BRIP1: variants seen among roughly 807,000 people sequenced by gnomAD.
BRIP1 encodes the protein BRCA1 interacting DNA helicase 1, also known as Fanconi anemia group J protein.
Under a neutral mutation model 119.7 loss-of-function variants are expected in BRIP1, and 88 were observed. The ratio of observed to expected loss-of-function variants is 0.74; its 90% CI spans 0.62 to 0.88. BRIP1 has a LOEUF of 0.88. Ranked by LOEUF, BRIP1 falls within the 40% of genes least tolerant of loss-of-function variation. The probability of loss-of-function intolerance (pLI) is 0.00; values close to 1 mark genes in which losing one functional copy is unlikely to be tolerated. For synonymous variants in BRIP1, 443 were observed against 496.5 expected (o/e 0.89, Z 1.43); for missense variants, 1,259 against 1,455.4 (o/e 0.87, Z 2.20).
rs568286424 is a variant in BRIP1, at chr17:61,679,360, A to C, written c.*3936T>G. Among the ~76,000 whole-genome samples the C allele has an allele frequency of 6.6e-6, 1 of 152,236 alleles. No individual in the cohort carries two copies. The highest frequency in any genetic ancestry group is 1.5e-5 in the Non-Finnish European group (1 of 68,012). On this transcript the variant is annotated 3_prime_UTR_variant, in exon 20 of 20. Coordinates refer to ENST00000259008, the MANE Select transcript of BRIP1 (RefSeq NM_032043.3). This position sits in a 1 kb window ranked among gnomAD's most constrained non-coding sequence, Gnocchi z 4.4. ...ATAACACAATTCTAGACAGTTTTAA[A>C]TAATTTAATCAAGTCATGAAACATC...
At position 61,846,884 on chromosome 17, in the gene BRIP1, G is replaced by A. The variant is rs1052048854; in HGVS notation, c.627+217C>T. Among the ~76,000 whole-genome samples, 4 of 152,116 alleles carry A rather than the reference G, an allele frequency of 2.6e-5. No homozygotes were observed. Among genetic ancestry groups the A allele is most frequent in the African/African-American group, 9.7e-5 (4 of 41,408 alleles). ...AAAATGACTTTCAGATCTCTCTCTA[G>A]TCCAATTCTCTTATTTTATAAATAA... On this transcript the variant is annotated intron_variant, in intron 6 of 19. Transcript: ENST00000259008. The surrounding 1 kb of genome is among the most constrained non-coding windows in gnomAD (Gnocchi z 4.3).
chr17:61,763,060 G>A (rs1029706139), intron 14 of BRIP1, among the ~76,000 whole-genome samples: 1 of 152,102 alleles, frequency 6.6e-6, no homozygotes, highest in East Asian at 1.9e-4. Context: ...TCAAAGAAGT[G>A]ACAGTAAAAT....
rs1273012448 is a variant in BRIP1 at position 61,809,820 on chromosome 17, T to G, written c.628-1063A>C. Among the ~76,000 whole-genome samples the G allele has an allele frequency of 6.6e-6, 1 of 151,382 alleles. No individual in the cohort carries two copies. The highest frequency in any genetic ancestry group is 1.5e-5 in the Non-Finnish European group (1 of 67,788). ...GTAGAACAAACACTCTACTTGACTG[T>G]TTTTTTTTATTATTGTAATCAGTAA... is the stretch of plus-strand genomic sequence containing the variant. On this transcript the variant is annotated intron_variant, in intron 6 of 19. Coordinates refer to ENST00000259008, the MANE Select transcript of BRIP1 (RefSeq NM_032043.3). This position sits in a 1 kb window ranked among gnomAD's most constrained non-coding sequence, Gnocchi z 5.2.
Position 61,720,207 on chromosome 17 carries a change from G to A in BRIP1, c.2380-4144C>T, listed in dbSNP as rs1345872434. ...GTTCTAATCTTTTATACCACAGTAGGATGACTATAGTTAACAATATTACAT... is the reference window on the plus strand; with the variant it reads ...GTTCTAATCTTTTATACCACAGTAGAATGACTATAGTTAACAATATTACAT... On this transcript the variant is annotated intron_variant, in intron 16 of 19. Transcript: ENST00000259008. The surrounding 1 kb of genome is among the most constrained non-coding windows in gnomAD (Gnocchi z 4.3). 6.6e-6 allele frequency among the ~76,000 whole-genome samples: 1 copy of A among 152,122 alleles called. No individual in the cohort carries two copies. Among genetic ancestry groups the A allele is most frequent in the East Asian group, 1.9e-4 (1 of 5,190 alleles).
At chr17:61,782,255 G>A (rs1466381954) in intron 11 of BRIP1, among the ~76,000 whole-genome samples, 1 of 150,662 alleles carries the variant, frequency 6.6e-6, no homozygotes. Flanking sequence ...GCTTAGTGGC[G>A]GGCGCCTGTA....
At chr17:61,785,955 A>C in intron 10 of BRIP1, among the ~76,000 whole-genome samples, 1 of 152,122 alleles carries the variant, frequency 6.6e-6, no homozygotes, top group East Asian at 1.9e-4. Flanking sequence ...TAGAAAACTA[A>C]GCAATGGAAA....
At chr17:61,765,253 T>A (rs563985253) in intron 14 of BRIP1, among the ~76,000 whole-genome samples, 1 of 150,018 alleles carries the variant, frequency 6.7e-6, no homozygotes, top group African/African-American at 2.4e-5. Context: ...TCTAGTTTAA[T>A]CTTAACTTCT....
At position 61,845,958 on chromosome 17, in the gene BRIP1, G is replaced by A. The variant is rs182916536; in HGVS notation, c.627+1143C>T. Reference sequence around the variant, plus strand: ...AGGTTGGGTTGAGGCCAAGGTGGGCGGATCACGAGGTCAGAAGATCGAGAC... The same window carrying A: ...AGGTTGGGTTGAGGCCAAGGTGGGCAGATCACGAGGTCAGAAGATCGAGAC... On this transcript the variant is annotated intron_variant, in intron 6 of 19. Transcript: ENST00000259008. This position sits in a 1 kb window ranked among gnomAD's most constrained non-coding sequence, Gnocchi z 4.2. Among the ~76,000 whole-genome samples, 229 of 152,074 alleles carry A rather than the reference G, an allele frequency of 1.5e-3. No homozygotes were observed. Among genetic ancestry groups the A allele is most frequent in the African/African-American group, 2.9e-3 (121 of 41,462 alleles).
In BRIP1 at chr17:61,793,769, C is replaced by T. The variant is rs1230306989; in HGVS notation, c.1341-40G>A. Reference sequence around the variant, plus strand: ...AACAATTGTGTCAACCAGTATCATCCTTACACACACTATTTCAGCAGAACA... The same window carrying T: ...AACAATTGTGTCAACCAGTATCATCTTTACACACACTATTTCAGCAGAACA... On this transcript the variant is annotated intron_variant, in intron 9 of 19. Transcript: ENST00000259008. This position sits in a 1 kb window ranked among gnomAD's most constrained non-coding sequence, Gnocchi z 5.2. 3.2e-6 allele frequency: 5 copies of T among 1,586,924 alleles called. No individual in the cohort carries two copies. The highest frequency in any genetic ancestry group is 3.4e-6 in the Non-Finnish European group (4 of 1,166,822).
rs1416354611 is a variant in BRIP1, at chr17:61,851,279, A to T, written c.380-2023T>A. 6.6e-6 allele frequency among the ~76,000 whole-genome samples: 1 copy of T among 152,134 alleles called. No homozygotes were observed. The highest frequency in any genetic ancestry group is 1.9e-4 in the East Asian group (1 of 5,196). ...CTTAAAATTTCCAAAATAGGGATGA[A>T]AGACCCAGAACTTCCCTGATCCACT... On this transcript the variant is annotated intron_variant, in intron 4 of 19. Transcript: ENST00000259008. This position sits in a 1 kb window ranked among gnomAD's most constrained non-coding sequence, Gnocchi z 4.6.
chr17:61,714,964 C>G (rs886333146), intron 17 of BRIP1, among the ~76,000 whole-genome samples: 18 of 151,864 alleles, frequency 1.2e-4, no homozygotes, highest in Non-Finnish European at 1.5e-4. Context: ...CTTTGGGAAG[C>G]TGACGTGAGT....
chr17:61,716,871 G>A (rs1275538603), intron 16 of BRIP1, among the ~76,000 whole-genome samples: 4 of 23,206 alleles, frequency 1.7e-4, no homozygotes, highest in Admixed American at 8.8e-4. Flanking sequence ...ACTCCTCTAG[G>A]GTTTATGATA....
intron 6 of BRIP1, among the ~76,000 whole-genome samples, chr17:61,826,519 G>A (rs2078409524): frequency 6.6e-6 from 1 of 151,976 alleles, no homozygotes; most frequent in Admixed American, 6.6e-5. Flanking sequence ...CTAATATCCA[G>A]CTTCCATAAG....
intron 14 of BRIP1, among the ~76,000 whole-genome samples, chr17:61,765,299 T>C (rs970650246): frequency 1.1e-4 from 16 of 139,412 alleles, no homozygotes; most frequent in Non-Finnish European, 1.7e-4. Flanking sequence ...CACTTAAAAA[T>C]TATAATACAT....
At position 61,857,703 on chromosome 17, in the gene BRIP1, G is replaced by A. The variant is rs1204260700; in HGVS notation, c.206-472C>T. Among the ~76,000 whole-genome samples the A allele has an allele frequency of 6.6e-6, 1 of 152,248 alleles. No homozygotes were observed. The highest frequency in any genetic ancestry group is 2.1e-4 in the South Asian group (1 of 4,824). On this transcript the variant is annotated intron_variant, in intron 3 of 19. Coordinates refer to ENST00000259008, the MANE Select transcript of BRIP1 (RefSeq NM_032043.3). The surrounding 1 kb of genome is among the most constrained non-coding windows in gnomAD (Gnocchi z 5.1). ...CATGCCACTGCACTCCAGCCTAGGC[G>A]ACAGAGCAAGACTCTGTTTCAAAAA...
intron 14 of BRIP1, among the ~76,000 whole-genome samples, chr17:61,764,663 C>A (rs2077325156): frequency 6.6e-6 from 1 of 152,116 alleles, no homozygotes; most frequent in African/African-American, 2.4e-5. Context: ...TTTTTCTAGT[C>A]CATATCAAGC....
At position 61,842,956 on chromosome 17, in the gene BRIP1, T is replaced by C. The variant is rs148690995; in HGVS notation, c.627+4145A>G. Among the ~76,000 whole-genome samples the C allele has an allele frequency of 3.6e-4, 55 of 152,240 alleles. No homozygotes were observed. Among genetic ancestry groups the C allele is most frequent in the African/African-American group, 1.3e-3 (53 of 41,540 alleles). On this transcript the variant is annotated intron_variant, in intron 6 of 19. Transcript: ENST00000259008. This position sits in a 1 kb window ranked among gnomAD's most constrained non-coding sequence, Gnocchi z 5.1. ...TTAAAATCCAAGCAGTCTCAAGATA[T>C]GAAAATAACCTAAGTGTCTGTCAAT... is the stretch of plus-strand genomic sequence containing the variant.
rs371185409 is a variant in BRIP1, at chr17:61,683,967, C to G, written c.3079G>C (p.Glu1027Gln). The G allele has an allele frequency of 6.2e-7, 1 of 1,614,190 alleles. No individual in the cohort carries two copies. Among genetic ancestry groups the G allele is most frequent in the South Asian group, 1.1e-5 (1 of 91,084 alleles). Reference protein sequence around the residue: ...PKATPELGSSENSASSPPRFK... With the variant: ...PKATPELGSSQNSASSPPRFK... ...CGGGGAGGACTAGAGGCACTATTCT[C>G]TGATGACCCGAGCTCAGGTGTTGCC... Residue 1027 changes from glutamate (E) to glutamine (Q), a missense_variant, in exon 20 of 20, where the codon GAG (glutamate) becomes CAG (glutamine). Physicochemically the swap from Glu to Gln is conservative, Grantham distance 29. Coordinates refer to ENST00000259008, the MANE Select transcript of BRIP1 (RefSeq NM_032043.3). This position sits in a 1 kb window ranked among gnomAD's most constrained non-coding sequence, Gnocchi z 4.7.
chr17:61,683,503 T>C lies in BRIP1; in HGVS notation c.3543A>G (p.Ser1181=), dbSNP rs1060504328. The C allele has an allele frequency of 6.2e-7, 1 of 1,613,626 alleles. No homozygotes were observed. The highest frequency in any genetic ancestry group is 1.3e-5 in the African/African-American group (1 of 75,060). The change falls in exon 20 of 20, where the codon TCA becomes TCG. Residue 1181 remains serine (S), a synonymous_variant. Transcript: ENST00000259008. This position sits in a 1 kb window ranked among gnomAD's most constrained non-coding sequence, Gnocchi z 4.7. ...AATCCTCAGCTTTCACTTCTCTGGC[T>C]GAATCTACTTCTTTTATAGTTCTAA... ...FEIRTIKEVD[S]AREVKAEDCI...
Sources: allele counts gnomAD v4.1 joint callset (sites outside exome capture counted in the v4.1 genomes callset), GRCh38; gene constraint gnomAD v4.1.1; non-coding constraint Gnocchi (gnomAD v3.1); transcripts MANE v1.5; gene names NCBI Gene and HGNC (gene_info 2026-07-23, HGNC 2026-07-21).